Variants in IL1RAPL1 observed in about 807,000 individuals in gnomAD.
IL1RAPL1 encodes the protein interleukin-1 receptor accessory protein-like 1.
IL1RAPL1 carries 3 observed loss-of-function variants against 48.4 expected under a neutral mutation model. The observed-to-expected ratio is 0.06, with a 90% CI of 0.03 to 0.16. The LOEUF is 0.16. Among genes scored for constraint, IL1RAPL1 ranks in the 10% least tolerant of loss-of-function variants. IL1RAPL1 has a pLI of 1.00. For synonymous variants in IL1RAPL1, 185 were observed against 187.7 expected, an observed-to-expected ratio of 0.99 and a Z score of 0.12; for missense variants, 349 against 530.6, an observed-to-expected ratio of 0.66 and a Z score of 3.36.
chrX:29,547,359 G>T, intron 5 of IL1RAPL1, among the ~76,000 whole-genome samples: 1 of 110,603 alleles, frequency 9.0e-6, no homozygotes, highest in Non-Finnish European at 1.9e-5. Context: ...ACTATGTTTG[G>T]GAGAGTCTTA....
At chrX:29,347,449 C>T (rs1264872308) in intron 3 of IL1RAPL1, among the ~76,000 whole-genome samples, 2 of 104,070 alleles carry the variant, frequency 1.9e-5, no homozygotes, top group African/African-American at 7.1e-5. Flanking sequence ...AGTGCAGTAG[C>T]ATGATGATGG....
chrX:29,146,408 A>G (rs225054), intron 2 of IL1RAPL1, among the ~76,000 whole-genome samples: 41,150 of 110,153 alleles, frequency 0.37, 6,386 homozygotes, highest in Non-Finnish European at 0.49. Flanking sequence ...CATTCCTTGC[A>G]CCCTTTCCCT....
At chrX:28,592,488 A>T (rs1933916017) in intron 1 of IL1RAPL1, among the ~76,000 whole-genome samples, 1 of 111,882 alleles carries the variant, frequency 8.9e-6, no homozygotes, top group Non-Finnish European at 1.9e-5. Flanking sequence ...ATAATTACTA[A>T]CTTTCTTTAG....
chrX:28,739,602 C>T (rs1388137924), intron 1 of IL1RAPL1, among the ~76,000 whole-genome samples: 1 of 111,659 alleles, frequency 9.0e-6, no homozygotes, highest in East Asian at 2.8e-4. Flanking sequence ...GTAGAAGAGA[C>T]AGGATTTTAA....
At chrX:29,599,662 T>G (rs1475645462) in intron 5 of IL1RAPL1, among the ~76,000 whole-genome samples, 1 of 112,665 alleles carries the variant, frequency 8.9e-6, no homozygotes, top group Non-Finnish European at 1.9e-5. Flanking sequence ...ATTATTCTTA[T>G]GTTTGGACAT....
At chrX:28,956,141 T>C (rs927155025) in intron 2 of IL1RAPL1, among the ~76,000 whole-genome samples, 13 of 108,337 alleles carry the variant, frequency 1.2e-4, no homozygotes, top group African/African-American at 4.4e-4. Context: ...AAGTTGCTTA[T>C]CAGCTTAAGG....
At chrX:29,922,070 A>C (rs908023400) in intron 8 of IL1RAPL1, among the ~76,000 whole-genome samples, 1 of 110,677 alleles carries the variant, frequency 9.0e-6, no homozygotes, top group African/African-American at 3.3e-5. Context: ...GGGGGGGGAC[A>C]AGGGAGGGGT....
At chrX:29,375,338 G>T (rs1933608425) in intron 3 of IL1RAPL1, among the ~76,000 whole-genome samples, 1 of 109,375 alleles carries the variant, frequency 9.1e-6, no homozygotes, top group African/African-American at 3.3e-5. Flanking sequence ...GGTTTTTTTT[G>T]TATTTTTAGT....
intron 5 of IL1RAPL1, among the ~76,000 whole-genome samples, chrX:29,639,762 G>A (rs1012286026): frequency 5.4e-5 from 6 of 110,547 alleles, no homozygotes; most frequent in Non-Finnish European, 7.6e-5. Flanking sequence ...AGTTACTTGC[G>A]CATGTTGTCA....
chrX:28,611,302 G>A lies in IL1RAPL1; in HGVS notation c.-25+23255G>A, dbSNP rs193128427. Reference sequence around the variant, plus strand: ...CTTTTTTCACCTAAACTTCAAGAGCGCGGTAGGAGAGCCATCATTTATTGA... The same window carrying A: ...CTTTTTTCACCTAAACTTCAAGAGCACGGTAGGAGAGCCATCATTTATTGA... On this transcript the variant is annotated intron_variant, in intron 1 of 10. Transcript: ENST00000378993. Among the ~76,000 whole-genome samples, 37 of 111,546 alleles carry A rather than the reference G, an allele frequency of 3.3e-4. 1 individual carries two copies. In the South Asian group the frequency reaches 5.3e-3, roughly 16 times the overall value.
intron 5 of IL1RAPL1, among the ~76,000 whole-genome samples, chrX:29,616,163 G>C (rs1005189767): frequency 9.0e-6 from 1 of 111,551 alleles, no homozygotes. Flanking sequence ...GAGAAGCAAA[G>C]TCTTCAAGAT....
intron 2 of IL1RAPL1, among the ~76,000 whole-genome samples, chrX:29,092,612 A>C (rs966984432): frequency 1.2e-4 from 13 of 112,243 alleles, no homozygotes; most frequent in African/African-American, 4.2e-4. Context: ...ATTGATCATA[A>C]TACTACTGTT....
chrX:28,836,321 T>G (rs1921205029), intron 2 of IL1RAPL1, among the ~76,000 whole-genome samples: 2 of 98,212 alleles, frequency 2.0e-5, no homozygotes, highest in African/African-American at 7.6e-5. Flanking sequence ...ATAAAATGCC[T>G]TTTGCTTCCC....
At chrX:29,837,495 G>A (rs1245261223) in intron 6 of IL1RAPL1, among the ~76,000 whole-genome samples, 1 of 109,429 alleles carries the variant, frequency 9.1e-6, no homozygotes, top group East Asian at 2.8e-4. Flanking sequence ...AACTCATAAG[G>A]TTAAGCAAAC....
chrX:29,766,323 G>A (rs1441911748), intron 6 of IL1RAPL1, among the ~76,000 whole-genome samples: 3 of 54,856 alleles, frequency 5.5e-5, no homozygotes, highest in African/African-American at 3.7e-4. Context: ...GTGAGACTCC[G>A]TCTCAAAAAA....
At chrX:28,757,317 CACA>C (rs1936116584) in intron 1 of IL1RAPL1, among the ~76,000 whole-genome samples, 2 of 112,708 alleles carry the variant, frequency 1.8e-5, no homozygotes, top group East Asian at 2.8e-4. Flanking sequence ...AGAACACAAA[CACA>C]ACATCATCTC....
At chrX:29,503,183 CT>C (rs1935293127) in intron 5 of IL1RAPL1, among the ~76,000 whole-genome samples, 1 of 111,204 alleles carries the variant, frequency 9.0e-6, no homozygotes, top group Non-Finnish European at 1.9e-5. Flanking sequence ...GGCCTTCTGT[CT>C]TTTTTTCTTA....
intron 3 of IL1RAPL1, among the ~76,000 whole-genome samples, chrX:29,284,640 G>A (rs1024553148): frequency 8.9e-6 from 1 of 111,942 alleles, no homozygotes; most frequent in Admixed American, 9.4e-5. Context: ...AGCTACTTGG[G>A]AGGCTGAGGC....
At chrX:29,586,593 G>T (rs1000062030) in intron 5 of IL1RAPL1, among the ~76,000 whole-genome samples, 1 of 111,488 alleles carries the variant, frequency 9.0e-6, no homozygotes, top group African/African-American at 3.3e-5. Flanking sequence ...TGGAGATTTT[G>T]ATATGAATTG....
Sources: allele counts gnomAD v4.1 joint callset (sites outside exome capture counted in the v4.1 genomes callset), GRCh38; gene constraint gnomAD v4.1.1; transcripts MANE v1.5; gene names NCBI Gene and HGNC (gene_info 2026-07-23, HGNC 2026-07-21).